The following FRMD5 variants were observed in gnomAD, a reference collection of about 807,000 sequenced individuals.
The protein encoded by FRMD5 is FERM domain-containing protein 5.
A neutral mutation model predicts 69.0 loss-of-function variants in FRMD5; 20 were observed. The observed-to-expected ratio is 0.29, with a 90% CI of 0.20 to 0.42. The LOEUF (loss-of-function observed/expected upper bound fraction) is 0.42, where lower values mean the gene tolerates loss of function less well. Among genes scored for constraint, FRMD5 ranks in the 10% least tolerant of loss-of-function variants. The pLI is 1.00. For missense variants in FRMD5, 595 were observed against 708.6 expected, an observed-to-expected ratio of 0.84 and a Z score of 1.82; for synonymous variants, 271 against 260.1, an observed-to-expected ratio of 1.04 and a Z score of -0.40.
rs190847757 is a variant in FRMD5 at position 44,048,002 on chromosome 15, T to C, written c.103-123693A>G. ...TCCACTCTTAAGCTATTATGAAAAA[T>C]GCTGCTATGAACATTCATTAACAAA... is the stretch of plus-strand genomic sequence containing the variant. On this transcript the variant is annotated intron_variant, in intron 1 of 13. Transcript: ENST00000417257. 8.7e-4 allele frequency among the ~76,000 whole-genome samples: 132 copies of C among 152,310 alleles called. 2 individuals carry two copies. The highest frequency in any genetic ancestry group is 2.6e-4 in the Non-Finnish European group (18 of 68,020).
chr15:43,904,395 G>A (rs1476224882), intron 6 of FRMD5, among the ~76,000 whole-genome samples: 1 of 151,954 alleles, frequency 6.6e-6, no homozygotes, highest in South Asian at 2.1e-4. Context: ...TTGAGACAGG[G>A]TCTCGCTCTG....
chr15:44,180,774 G>T (rs2077985984), intron 1 of FRMD5, among the ~76,000 whole-genome samples: 1 of 152,090 alleles, frequency 6.6e-6, no homozygotes, highest in Non-Finnish European at 1.5e-5. Flanking sequence ...GACAGAGTGA[G>T]ACTCCATCTC....
At chr15:44,134,323 G>C (rs2077150672) in intron 1 of FRMD5, among the ~76,000 whole-genome samples, 1 of 152,164 alleles carries the variant, frequency 6.6e-6, no homozygotes, top group South Asian at 2.1e-4. Context: ...CCCAAAATGA[G>C]CTAAGGCTCA....
chr15:44,158,950 G>T (rs1276408831), intron 1 of FRMD5, among the ~76,000 whole-genome samples: 2 of 152,154 alleles, frequency 1.3e-5, no homozygotes, highest in African/African-American at 2.4e-5. Flanking sequence ...GCAGGAGTAT[G>T]CCCAGCATGG....
chr15:44,091,056 A>C (rs1258411836), intron 1 of FRMD5, among the ~76,000 whole-genome samples: 4 of 152,210 alleles, frequency 2.6e-5, no homozygotes, highest in Non-Finnish European at 5.9e-5. Context: ...CCATTATTCA[A>C]GTACCAAGCA....
rs77830560 is a variant in FRMD5, at chr15:44,067,299, G to A, written c.102+127654C>T. ...AAGACATTGAGAGGGATATAATCAT[G>A]AGCAAAAAAGTACTGGTTAAAATAT... On this transcript the variant is annotated intron_variant, in intron 1 of 13. Transcript: ENST00000417257. Among the ~76,000 whole-genome samples, 352 of 152,166 alleles carry A rather than the reference G, an allele frequency of 2.3e-3. 8 individuals carry two copies. In the East Asian group the frequency reaches 0.059, roughly 25 times the overall value.
chr15:43,952,550 C>A (rs1341631131), intron 1 of FRMD5, among the ~76,000 whole-genome samples: 2 of 152,252 alleles, frequency 1.3e-5, no homozygotes, highest in African/African-American at 4.8e-5. Context: ...GCACGGCCAT[C>A]ATGCAGAGGG....
chr15:43,873,742 C>T lies in FRMD5; in HGVS notation c.*143G>A, dbSNP rs1354214407. 6.6e-7 allele frequency: 1 copy of T among 1,521,444 alleles called. No homozygotes were observed. Among genetic ancestry groups the T allele is most frequent in the Non-Finnish European group, 8.8e-7 (1 of 1,142,532 alleles). The allele number at this position is 1,521,444 out of a possible 1,614,324, so 94.2% of individuals were successfully genotyped here. A position where few individuals can be genotyped will look rare whatever the true frequency, so the allele number is the denominator to read the frequency against. On this transcript the variant is annotated 3_prime_UTR_variant, in exon 14 of 14. Transcript: ENST00000417257. ...ATCCCTTTCTTCTTCTGGGAAACAC[C>T]CTCCTAGGCTGCAGTGGACTTTGAG...
At chr15:44,134,868 T>C (rs1306919372) in intron 1 of FRMD5, among the ~76,000 whole-genome samples, 3 of 152,130 alleles carry the variant, frequency 2.0e-5, no homozygotes, top group African/African-American at 7.2e-5. Flanking sequence ...GCTGAGGCGA[T>C]AGCAAATGCA....
intron 13 of FRMD5, chr15:43,876,173 A>G: frequency 6.3e-7 from 1 of 1,598,020 alleles, no homozygotes; most frequent in African/African-American, 1.3e-5. Context: ...CCTTCTTGTC[A>G]GCACTGTCAC....
At chr15:44,177,145 A>G (rs1217013560) in intron 1 of FRMD5, among the ~76,000 whole-genome samples, 2 of 152,200 alleles carry the variant, frequency 1.3e-5, no homozygotes, top group African/African-American at 2.4e-5. Context: ...TTACCACACA[A>G]TCCAGCAATT....
At chr15:43,888,547 GA>G (rs561206066) in intron 9 of FRMD5, among the ~76,000 whole-genome samples, 233 of 152,262 alleles carry the variant, frequency 1.5e-3, no homozygotes, top group African/African-American at 5.5e-3. Context: ...CCATATACAC[GA>G]AAGAAAAAGA....
chr15:43,884,617 G>T, intron 12 of FRMD5, 110 bp downstream of exon 12: 1 of 845,392 alleles, frequency 1.2e-6, no homozygotes, highest in Non-Finnish European at 1.9e-6. Flanking sequence ...GCTCCATTTT[G>T]GACTTTTTGG....
At chr15:44,138,641 A>G (rs531883625) in intron 1 of FRMD5, among the ~76,000 whole-genome samples, 3 of 152,368 alleles carry the variant, frequency 2.0e-5, no homozygotes, top group African/African-American at 7.2e-5. Flanking sequence ...GAACTGATAT[A>G]TCATAGAATA....
chr15:44,031,002 CAGG>C (rs1274468619), intron 1 of FRMD5, among the ~76,000 whole-genome samples: 3 of 151,578 alleles, frequency 2.0e-5, no homozygotes, highest in Non-Finnish European at 4.4e-5. Flanking sequence ...TAAAGTGATG[CAGG>C]AGGAGTGTCA....
chr15:44,050,645 G>A (rs1330028819), intron 1 of FRMD5, among the ~76,000 whole-genome samples: 2 of 112,388 alleles, frequency 1.8e-5, no homozygotes, highest in Non-Finnish European at 3.8e-5. Flanking sequence ...ACAGGTGTGA[G>A]GCACACTGGC....
At chr15:44,148,396 C>T (rs1398459028) in intron 1 of FRMD5, among the ~76,000 whole-genome samples, 5 of 151,822 alleles carry the variant, frequency 3.3e-5, no homozygotes, top group Non-Finnish European at 5.9e-5. Context: ...CTCAGCCTCC[C>T]GAGTAGCTGG....
intron 1 of FRMD5, among the ~76,000 whole-genome samples, chr15:43,997,048 G>A (rs1342956136): frequency 6.6e-6 from 1 of 152,088 alleles, no homozygotes; most frequent in East Asian, 1.9e-4. Flanking sequence ...ACAAATATCT[G>A]CTCAGGTATA....
chr15:44,133,045 GC>G (rs1399342806), intron 1 of FRMD5, among the ~76,000 whole-genome samples: 3 of 151,832 alleles, frequency 2.0e-5, no homozygotes, highest in African/African-American at 7.3e-5. Flanking sequence ...ACAGGCATGA[GC>G]CATCATGCCC....
Sources: gnomAD v4.1 joint callset for allele counts (sites outside exome capture counted in the v4.1 genomes callset) on GRCh38, gnomAD v4.1.1 for gene constraint, MANE v1.5 for transcripts, NCBI Gene and HGNC (gene_info 2026-07-23, HGNC 2026-07-21) for gene names.